The following ADAMTS5 variants were observed in gnomAD, a reference collection of about 807,000 sequenced individuals.
ADAMTS5 encodes A disintegrin and metalloproteinase with thrombospondin motifs 5.
A neutral mutation model predicts 81.4 loss-of-function variants in ADAMTS5; 54 were observed. That is an observed-to-expected ratio of 0.66 (90% CI 0.53 to 0.83). The LOEUF (loss-of-function observed/expected upper bound fraction) is 0.83. Ranked by LOEUF, ADAMTS5 falls within the 40% of genes least tolerant of loss-of-function variation. The pLI is 0.00. For missense variants in ADAMTS5, 1,194 were observed against 1,229.9 expected (o/e 0.97, Z 0.44); for synonymous variants, 532 against 508.8 (o/e 1.05, Z -0.61).
At chr21:26,931,681 T>C (rs1986910127) in intron 6 of ADAMTS5, among the ~76,000 whole-genome samples, 1 of 152,232 alleles carries the variant, frequency 6.6e-6, no homozygotes, top group Non-Finnish European at 1.5e-5. Context: ...ACAATGCTGC[T>C]TAGGAAATAC....
chr21:26,932,541 A>G (rs1986930790), intron 5 of ADAMTS5, among the ~76,000 whole-genome samples: 1 of 152,136 alleles, frequency 6.6e-6, no homozygotes, highest in African/African-American at 2.4e-5. Context: ...AAAATAAAAA[A>G]TAAAGAAAAA....
rs1445269791 is a variant in ADAMTS5 at position 26,940,942 on chromosome 21, C to T, written c.1405+2438G>A. Among the ~76,000 whole-genome samples the T allele has an allele frequency of 8.5e-5, 13 of 152,228 alleles. No individual in the cohort carries two copies. In the East Asian group the frequency reaches 1.5e-3, roughly 18 times the overall value. ...CAATTTAAAAGTTATTAAGTTATTT[C>T]AATTCATCTTTAAATAATAGCACTA... On this transcript the variant is annotated intron_variant, in intron 3 of 7. Transcript: ENST00000284987.
intron 3 of ADAMTS5, among the ~76,000 whole-genome samples, chr21:26,935,107 TTAATAA>T (rs373765004): frequency 1.3e-5 from 2 of 151,956 alleles, no homozygotes; most frequent in African/African-American, 2.4e-5. Context: ...ATGGTGAATT[TTAATAA>T]TAATAATAAT....
Position 26,966,321 on chromosome 21 carries a change from G to T in ADAMTS5, c.71C>A (p.Ala24Glu). ...RLPLAAVGPA[A>E]TPAQDKAGQP... is the part of the protein sequence containing the mutation. ...CCCGGCTTTATCCTGGGCAGGTGTC[G>T]CGGCGGGGCCGACCGCGGCCAGGGG... is the stretch of plus-strand genomic sequence containing the variant. Residue 24 changes from alanine (A) to glutamate (E), a missense_variant, in exon 1 of 8, where the codon GCG becomes GAG. Ala to Glu is a moderately radical substitution (Grantham distance 107, BLOSUM62 -1). Around this residue, in one of 2 missense-constraint regions of ADAMTS5, gnomAD observed 498 missense variants for 412.3 expected, o/e 1.21. Transcript: ENST00000284987. 6.6e-7 allele frequency: 1 copy of T among 1,512,658 alleles called. No homozygotes were observed. The highest frequency in any genetic ancestry group is 1.2e-5 in the South Asian group (1 of 81,046). 93.7% of individuals were successfully genotyped at this position (1,512,658 alleles called of 1,614,324 possible).
At chr21:26,926,711 C>T (rs530169472) in intron 7 of ADAMTS5, among the ~76,000 whole-genome samples, 8 of 150,626 alleles carry the variant, frequency 5.3e-5, no homozygotes, top group South Asian at 4.2e-4. Context: ...TCCCAATTAG[C>T]GCTCTTTTTC....
At chr21:26,958,519 T>G (rs233598) in intron 1 of ADAMTS5, among the ~76,000 whole-genome samples, 112,108 of 152,024 alleles carry the variant, frequency 0.74, 41,928 homozygotes, top group East Asian at 0.88. Flanking sequence ...GGAACTGTTA[T>G]GCCAACCTTT....
At chr21:26,935,117 T>A (rs1238123606) in intron 3 of ADAMTS5, among the ~76,000 whole-genome samples, 1 of 152,098 alleles carries the variant, frequency 6.6e-6, no homozygotes, top group Non-Finnish European at 1.5e-5. Context: ...TTAATAATAA[T>A]AATAATAATG....
At chr21:26,940,379 C>T (rs1017447470) in intron 3 of ADAMTS5, among the ~76,000 whole-genome samples, 1 of 152,076 alleles carries the variant, frequency 6.6e-6, no homozygotes, top group Non-Finnish European at 1.5e-5. Flanking sequence ...TTCTGTGTGT[C>T]AATTATTGTA....
Position 26,934,762 on chromosome 21 carries a change from C to T in ADAMTS5, c.1406-13G>A, listed in dbSNP as rs1568842134. The T allele has an allele frequency of 1.2e-6, 2 of 1,611,854 alleles. No individual in the cohort carries two copies. The highest frequency in any genetic ancestry group is 1.1e-5 in the South Asian group (1 of 91,022). ...AGCAAACAGTTACCTACAAGAATAA[C>T]TGAGATTGACCACGGCTCTGTGTTT... On this transcript the variant is annotated splice_polypyrimidine_tract_variant and intron_variant, in intron 3 of 7. Transcript: ENST00000284987.
At chr21:26,945,431 TA>T (rs1221318097) in intron 2 of ADAMTS5, among the ~76,000 whole-genome samples, 1 of 152,218 alleles carries the variant, frequency 6.6e-6, no homozygotes, top group Non-Finnish European at 1.5e-5. Flanking sequence ...CTTCATAGGA[TA>T]TTTATATTTA....
chr21:26,954,514 A>G (rs1279745211), intron 2 of ADAMTS5, among the ~76,000 whole-genome samples: 1 of 152,160 alleles, frequency 6.6e-6, no homozygotes, highest in Non-Finnish European at 1.5e-5. Flanking sequence ...TTTCTCTTGA[A>G]CTTTTAAATG....
chr21:26,965,530 G>A lies in ADAMTS5; in HGVS notation c.862C>T (p.Gln288Ter), dbSNP rs1987625525. 1 of 1,613,686 alleles carries A rather than the reference G, an allele frequency of 6.2e-7. No homozygotes were observed. Among genetic ancestry groups the A allele is most frequent in the Non-Finnish European group, 8.5e-7 (1 of 1,179,686 alleles). ...GAGGCCAGGGTCAGCAGGTAATGCT[G>A]CAGGCCCCGGCCATACAACCGCGCC... ...SMARLYGRGLQHYLLTLASIA... is the reference protein window; with the variant it reads ...SMARLYGRGL Residue 288 changes from glutamine (Q) to a stop codon, truncating the protein, a stop_gained, in exon 1 of 8, where the codon CAG (glutamine) becomes TAG (stop). Transcript: ENST00000284987. LOFTEE classifies it high-confidence loss of function.
intron 7 of ADAMTS5, among the ~76,000 whole-genome samples, chr21:26,926,334 T>A (rs1165995791): frequency 6.6e-6 from 1 of 152,248 alleles, no homozygotes; most frequent in African/African-American, 2.4e-5. Context: ...TGACAGTATT[T>A]GAACAAGTTC....
rs1311562802 is a variant in ADAMTS5 at position 26,966,039 on chromosome 21, C to T, written c.353G>A (p.Gly118Asp). 1 of 1,613,220 alleles carries T rather than the reference C, an allele frequency of 6.2e-7. No homozygotes were observed. The highest frequency in any genetic ancestry group is 8.5e-7 in the Non-Finnish European group (1 of 1,179,946). ...GTGGCGCCAGGGCGCACTCGTCCCG[C>T]CTCCTGCGGGCACGAAGCCAGCAAT... The part of the protein sequence containing the change: ...VGIAGFVPAG[G>D]GTSAPWRHRS... Residue 118 changes from glycine (G) to aspartate (D), a missense_variant, in exon 1 of 8, where the codon GGC (glycine) becomes GAC (aspartate). Gly to Asp is a moderately conservative substitution (Grantham distance 94). Around this residue, in one of 2 missense-constraint regions of ADAMTS5, gnomAD observed 498 missense variants for 412.3 expected, o/e 1.21. Transcript: ENST00000284987.
Position 26,965,941 on chromosome 21 carries a change from C to A in ADAMTS5, c.451G>T (p.Gly151Cys), listed in dbSNP as rs1987648280. ...TTGACCGCGAAGAAGCCGTCGAGAC[C>A]CCCACAGAGGTCAAAGACAGCCAGA... is the stretch of plus-strand genomic sequence containing the variant. ...RSLAVFDLCG[G>C]LDGFFAVKHA... Residue 151 changes from glycine to cysteine, a missense_variant, in exon 1 of 8, where the codon GGT (glycine) becomes TGT (cysteine). This residue lies in a region of ADAMTS5 where 498 missense variants were observed against 412.3 expected (regional missense o/e 1.21). Coordinates refer to ENST00000284987, the MANE Select transcript of ADAMTS5 (RefSeq NM_007038.5). The A allele has an allele frequency of 6.2e-7, 1 of 1,613,590 alleles. No individual in the cohort carries two copies. Among genetic ancestry groups the A allele is most frequent in the African/African-American group, 1.3e-5 (1 of 74,936 alleles).
chr21:26,956,640 C>G (rs1186028861), intron 1 of ADAMTS5, among the ~76,000 whole-genome samples: 1 of 152,046 alleles, frequency 6.6e-6, no homozygotes. Flanking sequence ...GCTAGACACT[C>G]TAGGTTATAT....
chr21:26,941,815 A>G (rs1987119539), intron 3 of ADAMTS5, among the ~76,000 whole-genome samples: 1 of 152,116 alleles, frequency 6.6e-6, no homozygotes, highest in African/African-American at 2.4e-5. Flanking sequence ...GATTCCACCC[A>G]AGAAGGACTT....
At chr21:26,951,269 A>C (rs914772890) in intron 2 of ADAMTS5, among the ~76,000 whole-genome samples, 2 of 152,172 alleles carry the variant, frequency 1.3e-5, no homozygotes, top group Non-Finnish European at 2.9e-5. Flanking sequence ...TAAAGTAGAA[A>C]AATTATGGGA....
At chr21:26,936,234 A>G (rs1010214597) in intron 3 of ADAMTS5, among the ~76,000 whole-genome samples, 3 of 152,204 alleles carry the variant, frequency 2.0e-5, no homozygotes, top group African/African-American at 7.2e-5. Context: ...ACTCTGGTGA[A>G]ATACTAAATG....
Sources: gnomAD v4.1 joint callset for allele counts (sites outside exome capture counted in the v4.1 genomes callset) on GRCh38, gnomAD v4.1.1 for gene constraint, gnomAD v4.1.1 regional missense constraint, MANE v1.5 for transcripts, NCBI Gene and HGNC (gene_info 2026-07-23, HGNC 2026-07-21) for gene names.